LMAN2L: variants seen among roughly 807,000 people sequenced by gnomAD.
LMAN2L encodes VIP36-like protein.
In LMAN2L, 30 loss-of-function variants were observed where a neutral mutation model predicts 44.3. That is an observed-to-expected ratio of 0.68 (90% CI 0.51 to 0.92). LMAN2L has a LOEUF of 0.92. LMAN2L is among the 40% of genes least tolerant of loss of function. The pLI is 0.00. For synonymous variants in LMAN2L, 183 were observed against 171.1 expected, an observed-to-expected ratio of 1.07 and a Z score of -0.54; for missense variants, 429 against 446.1, an observed-to-expected ratio of 0.96 and a Z score of 0.35.
At chr2:96,724,688 C>T (rs889102469) in intron 4 of LMAN2L, among the ~76,000 whole-genome samples, 1 of 152,066 alleles carries the variant, frequency 6.6e-6, no homozygotes. Context: ...GCTCTGTTGC[C>T]CAGGCTGGAG....
chr2:96,735,847 A>G (rs1050463817), intron 2 of LMAN2L, among the ~76,000 whole-genome samples: 1 of 151,996 alleles, frequency 6.6e-6, no homozygotes, highest in Non-Finnish European at 1.5e-5. Context: ...CAAAAAAAAA[A>G]AAAAAGATTT....
chr2:96,739,038 C>G (rs1467350933), intron 1 of LMAN2L, among the ~76,000 whole-genome samples: 1 of 152,182 alleles, frequency 6.6e-6, no homozygotes, highest in African/African-American at 2.4e-5. Flanking sequence ...ACCGCCCCAG[C>G]CGTCACATTC....
rs551963169 is a variant in LMAN2L at position 96,733,403 on chromosome 2, C to A, written c.507+116G>T. 162 of 736,118 alleles carry A rather than the reference C, an allele frequency of 2.2e-4. 1 individual carries two copies. Among genetic ancestry groups the A allele is most frequent in the Admixed American group, 4.2e-4 (16 of 37,726 alleles). 45.6% of individuals were successfully genotyped at this position (736,118 alleles called of 1,614,324 possible). On this transcript the variant is annotated intron_variant, in intron 4 of 7. Coordinates refer to ENST00000264963, the MANE Select transcript of LMAN2L (RefSeq NM_030805.4). ...GACAAGGACATTAACTTTCAAAGTT[C>A]AACAGATGAAGAACCCCTCACTTTC... is the stretch of plus-strand genomic sequence containing the variant.
chr2:96,709,102 G>T (rs780610318), intron 6 of LMAN2L, among the ~76,000 whole-genome samples: 6 of 151,136 alleles, frequency 4.0e-5, no homozygotes, highest in Non-Finnish European at 7.4e-5. Flanking sequence ...TTTTTTTTTA[G>T]TAGAGATGGG....
chr2:96,725,207 C>T lies in LMAN2L; in HGVS notation c.507+8312G>A, dbSNP rs575607022. The stretch of plus-strand genomic sequence containing the variant: ...TCTCCTGACCTCGTGATCTACCCGT[C>T]TCAGCCTCCCAAAATCCCTCCCCTG... On this transcript the variant is annotated intron_variant, in intron 4 of 7. Coordinates refer to ENST00000264963, the MANE Select transcript of LMAN2L (RefSeq NM_030805.4). Among the ~76,000 whole-genome samples the T allele has an allele frequency of 2.0e-5, 3 of 152,184 alleles. No individual in the cohort carries two copies. In the South Asian group the frequency reaches 6.2e-4, roughly 32 times the overall value.
chr2:96,708,740 A>G (rs922101172), intron 6 of LMAN2L, among the ~76,000 whole-genome samples: 3 of 152,056 alleles, frequency 2.0e-5, no homozygotes, highest in African/African-American at 7.2e-5. Flanking sequence ...CTGCCCTTCT[A>G]GACTATGCCT....
chr2:96,727,627 G>A (rs543100791), intron 4 of LMAN2L, among the ~76,000 whole-genome samples: 5 of 152,282 alleles, frequency 3.3e-5, no homozygotes, highest in African/African-American at 1.2e-4. Flanking sequence ...ATTTTCTCAT[G>A]AACAAATGTG....
chr2:96,723,743 T>A (rs1048568059), intron 4 of LMAN2L, among the ~76,000 whole-genome samples: 1 of 152,194 alleles, frequency 6.6e-6, no homozygotes, highest in African/African-American at 2.4e-5. Context: ...TACACGTGGA[T>A]AACTAGTTGT....
intron 4 of LMAN2L, among the ~76,000 whole-genome samples, chr2:96,719,584 CA>C (rs758726961): frequency 0.03 from 4,179 of 141,426 alleles, 195 homozygotes; most frequent in African/African-American, 0.1. Context: ...CGTATCTCTA[CA>C]AAAAAAAAAA....
intron 4 of LMAN2L, among the ~76,000 whole-genome samples, chr2:96,717,949 A>C (rs62156208): frequency 4.6e-5 from 7 of 151,948 alleles, no homozygotes; most frequent in Non-Finnish European, 1.0e-4. Context: ...TTTTCCCCCT[A>C]AAGGACCAAC....
At position 96,734,450 on chromosome 2, in the gene LMAN2L, T is replaced by A. The variant is rs779311587; in HGVS notation, c.383A>T (p.Asp128Val). Residue 128 changes from aspartate to valine, a missense_variant, in exon 3 of 8, where the codon GAT becomes GTT. Coordinates refer to ENST00000264963, the MANE Select transcript of LMAN2L (RefSeq NM_030805.4). ...CTTTGTGTACCAGATTGCCAAGCCA[T>A]CCCCATGCAGATTCTTCTTTCCTTG... Reference protein sequence around the residue: ...HGQGKKNLHGDGLAIWYTKDR... With the variant: ...HGQGKKNLHGVGLAIWYTKDR... The A allele has an allele frequency of 5.6e-6, 9 of 1,613,590 alleles. No individual in the cohort carries two copies. The highest frequency in any genetic ancestry group is 6.8e-6 in the Non-Finnish European group (8 of 1,179,612).
intron 4 of LMAN2L, among the ~76,000 whole-genome samples, chr2:96,713,765 T>A (rs906251535): frequency 1.3e-5 from 2 of 152,256 alleles, no homozygotes; most frequent in African/African-American, 4.8e-5. Context: ...ATTGTCATTC[T>A]AACCTACCAC....
intron 6 of LMAN2L, among the ~76,000 whole-genome samples, chr2:96,709,864 T>C (rs2077874382): frequency 6.6e-6 from 1 of 152,198 alleles, no homozygotes; most frequent in South Asian, 2.1e-4. Context: ...ACTAAAGACC[T>C]AGGGCAAAAA....
chr2:96,732,619 G>A (rs2078426475), intron 4 of LMAN2L, among the ~76,000 whole-genome samples: 1 of 150,338 alleles, frequency 6.7e-6, no homozygotes, highest in African/African-American at 2.5e-5. Context: ...ACTCCAGCCT[G>A]GGCGACAGAG....
Position 96,739,979 on chromosome 2 carries a change from C to T in LMAN2L, c.62G>A (p.Arg21Gln). The part of the protein sequence containing the change: ...WQQWRRCLSA[R>Q]DGSRMLLLLL... ...AAGGAGTAACATCCTGGACCCATCC[C>T]GAGCCGACAAACATCGCCGCCACTG... Residue 21 changes from arginine (R) to glutamine (Q), a missense_variant, in exon 1 of 8, where the codon CGG becomes CAG. Physicochemically the swap from Arg to Gln is conservative, Grantham distance 43. Coordinates refer to ENST00000264963, the MANE Select transcript of LMAN2L (RefSeq NM_030805.4). 1.2e-6 allele frequency: 2 copies of T among 1,613,778 alleles called. No individual in the cohort carries two copies. The highest frequency in any genetic ancestry group is 1.7e-6 in the Non-Finnish European group (2 of 1,180,018).
chr2:96,736,166 A>G (rs1316245892), intron 2 of LMAN2L, among the ~76,000 whole-genome samples: 2 of 152,194 alleles, frequency 1.3e-5, no homozygotes, highest in East Asian at 3.8e-4. Context: ...CTACAGCACA[A>G]TGCTATACTG....
At position 96,739,900 on chromosome 2, in the gene LMAN2L, C is replaced by A. The variant is rs756734542; in HGVS notation, c.141G>T (p.Thr47=). Residue 47 remains threonine, a synonymous_variant, in exon 1 of 8, where the codon ACG becomes ACT. Transcript: ENST00000264963. ...QGPQQVGAGQ[T]FEYLKREHSL... is the part of the protein sequence containing the mutation. ...AGTGCTCCCGTTTCAAGTACTCGAA[C>A]GTTTGACCCGCCCCGACTTGCTGTG... 7 of 1,614,090 alleles carry A rather than the reference C, an allele frequency of 4.3e-6. No individual in the cohort carries two copies. The highest frequency in any genetic ancestry group is 5.9e-6 in the Non-Finnish European group (7 of 1,180,040).
At chr2:96,736,838 C>T (rs2078526315) in intron 2 of LMAN2L, among the ~76,000 whole-genome samples, 5 of 152,148 alleles carry the variant, frequency 3.3e-5, no homozygotes, top group Admixed American at 3.3e-4. Flanking sequence ...TACGAAAACA[C>T]AATGCTCTGT....
chr2:96,711,623 G>T, intron 6 of LMAN2L, 33 bp downstream of exon 6: 1 of 1,451,598 alleles, frequency 6.9e-7, no homozygotes, highest in Non-Finnish European at 9.7e-7. Flanking sequence ...AGAGGCCTCA[G>T]TCAGGGCAAA....
Sources: gnomAD v4.1 joint callset for allele counts (sites outside exome capture counted in the v4.1 genomes callset) on GRCh38, gnomAD v4.1.1 for gene constraint, MANE v1.5 for transcripts, NCBI Gene and HGNC (gene_info 2026-07-23, HGNC 2026-07-21) for gene names.